Variants in KCNIP1 observed in about 807,000 individuals in gnomAD.
KCNIP1 encodes the protein potassium voltage-gated channel interacting protein 1.
In KCNIP1, 18 loss-of-function variants were observed where a neutral mutation model predicts 33.0. The observed-to-expected ratio is 0.55, with a 90% CI of 0.38 to 0.81. KCNIP1 has a LOEUF of 0.81. Among genes scored for constraint, KCNIP1 ranks in the 30% least tolerant of loss-of-function variants. The pLI, the probability that KCNIP1 is intolerant of heterozygous loss-of-function variation, is 0.00. For missense variants in KCNIP1, 238 were observed against 271.6 expected, an observed-to-expected ratio of 0.88 and a Z score of 0.87; for synonymous variants, 93 against 98.3, an observed-to-expected ratio of 0.95 and a Z score of 0.32.
rs113501997 is a variant in KCNIP1 at position 170,591,341 on chromosome 5, C to T, written c.61+86708C>T. 5.5e-3 allele frequency among the ~76,000 whole-genome samples: 826 copies of T among 150,400 alleles called. 8 individuals carry two copies. Among genetic ancestry groups the T allele is most frequent in the African/African-American group, 0.019 (765 of 40,838 alleles). The stretch of plus-strand genomic sequence containing the variant: ...GCCTGTATTCTCAGGACTTGGACAG[C>T]GGTGGAAGCTCTACTTAGCTTGCTG... On this transcript the variant is annotated intron_variant, in intron 1 of 7. Coordinates refer to ENST00000328939, the MANE Select transcript of KCNIP1 (RefSeq NM_014592.4).
chr5:170,702,266 G>T (rs1426047666), intron 1 of KCNIP1, among the ~76,000 whole-genome samples: 1 of 152,206 alleles, frequency 6.6e-6, no homozygotes, highest in Admixed American at 6.5e-5. Context: ...AAGAACGTTA[G>T]ATTACTGGAA....
At chr5:170,643,554 AG>A in intron 1 of KCNIP1, among the ~76,000 whole-genome samples, 1 of 152,210 alleles carries the variant, frequency 6.6e-6, no homozygotes. Flanking sequence ...TCCTGAAATC[AG>A]GGACCAGATG....
intron 1 of KCNIP1, among the ~76,000 whole-genome samples, chr5:170,597,045 G>A (rs544328457): frequency 1.3e-4 from 20 of 152,300 alleles, no homozygotes; most frequent in Admixed American, 1.0e-3. Flanking sequence ...ACATATTGAA[G>A]CTCATGCAGC....
intron 1 of KCNIP1, among the ~76,000 whole-genome samples, chr5:170,696,177 GT>G (rs1397197138): frequency 6.6e-6 from 1 of 152,026 alleles, no homozygotes; most frequent in Non-Finnish European, 1.5e-5. Flanking sequence ...GCTCCTTCTG[GT>G]TTTTCCTTCA....
upstream of KCNIP1, among the ~76,000 whole-genome samples, chr5:170,499,520 C>T (rs550024985): frequency 6.6e-6 from 1 of 152,334 alleles, no homozygotes; most frequent in Non-Finnish European, 1.5e-5. Flanking sequence ...ATCATGCCCA[C>T]AGTCTCAGAG....
At chr5:170,559,208 G>C (rs563734216) in intron 1 of KCNIP1, among the ~76,000 whole-genome samples, 136 of 152,290 alleles carry the variant, frequency 8.9e-4, no homozygotes, top group African/African-American at 3.2e-3. Context: ...AAACTTGATA[G>C]AGGTAAAGAT....
chr5:170,547,704 C>T (rs1230733009), intron 1 of KCNIP1, among the ~76,000 whole-genome samples: 2 of 152,040 alleles, frequency 1.3e-5, no homozygotes, highest in East Asian at 3.9e-4. Context: ...GGACATAATC[C>T]CCTTTTTAAT....
At chr5:170,359,736 C>G (rs1026239530) in intron 1 of KCNIP1, among the ~76,000 whole-genome samples, 1 of 152,318 alleles carries the variant, frequency 6.6e-6, no homozygotes, top group African/African-American at 2.4e-5. Context: ...TCCCAGCCTA[C>G]TGGCCTCACC....
chr5:170,389,594 G>A (rs1248145079), intron 1 of KCNIP1: 1 of 152,154 alleles, frequency 6.6e-6, no homozygotes, highest in East Asian at 1.9e-4. Flanking sequence ...AACTACGAAA[G>A]ATCAGCCTGG....
chr5:170,576,073 C>A (rs1279671138), intron 1 of KCNIP1, among the ~76,000 whole-genome samples: 1 of 152,236 alleles, frequency 6.6e-6, no homozygotes, highest in African/African-American at 2.4e-5. Context: ...GAGACAGCTT[C>A]TTCCTGCTCC....
intron 1 of KCNIP1, among the ~76,000 whole-genome samples, chr5:170,451,526 G>A (rs1233404143): frequency 1.3e-5 from 2 of 151,684 alleles, no homozygotes. Flanking sequence ...GTGTGTTCCT[G>A]GTCTTTGGCT....
intron 1 of KCNIP1, among the ~76,000 whole-genome samples, chr5:170,354,648 G>A (rs1427528079): frequency 6.6e-6 from 1 of 152,250 alleles, no homozygotes; most frequent in Non-Finnish European, 1.5e-5. Flanking sequence ...CAGAAAGTGT[G>A]GCTATGGACC....
intron 1 of KCNIP1, among the ~76,000 whole-genome samples, chr5:170,559,935 C>T (rs1371781674): frequency 6.6e-6 from 1 of 152,220 alleles, no homozygotes; most frequent in Non-Finnish European, 1.5e-5. Flanking sequence ...CAAATTTCCT[C>T]CTGCTTATTC....
chr5:170,548,113 A>G (rs1296751368), intron 1 of KCNIP1, among the ~76,000 whole-genome samples: 1 of 152,068 alleles, frequency 6.6e-6, no homozygotes, highest in East Asian at 1.9e-4. Context: ...TGCATTTCTC[A>G]CTTAAAATTT....
intron 1 of KCNIP1, among the ~76,000 whole-genome samples, chr5:170,399,180 C>A (rs1482671042): frequency 6.6e-6 from 1 of 152,206 alleles, no homozygotes; most frequent in Non-Finnish European, 1.5e-5. Context: ...AGCCTGCTAA[C>A]CGATGTTATC....
chr5:170,672,148 C>A (rs570723440), intron 1 of KCNIP1, among the ~76,000 whole-genome samples: 251 of 152,336 alleles, frequency 1.6e-3, no homozygotes, highest in Admixed American at 5.5e-3. Flanking sequence ...GCTCAGAGGG[C>A]AGAGCCTGGC....
chr5:170,625,142 G>T (rs568211656), intron 1 of KCNIP1, among the ~76,000 whole-genome samples: 2 of 152,204 alleles, frequency 1.3e-5, no homozygotes, highest in East Asian at 3.9e-4. Context: ...GGGTACTGAG[G>T]GGAGGGCATC....
chr5:170,630,993 G>A lies in KCNIP1; in HGVS notation c.62-87765G>A, dbSNP rs73317385. 3.9e-3 allele frequency among the ~76,000 whole-genome samples: 587 copies of A among 152,264 alleles called. 3 individuals are homozygous for A. Among genetic ancestry groups the A allele is most frequent in the African/African-American group, 0.013 (555 of 41,540 alleles). ...CACGGGACAGTGGAGGGAACACTAG[G>A]TTAGGAATAAGGGTACGAGGCTTGA... On this transcript the variant is annotated intron_variant, in intron 1 of 7. Coordinates refer to ENST00000328939, the MANE Select transcript of KCNIP1 (RefSeq NM_014592.4).
At position 170,720,349 on chromosome 5, in the gene KCNIP1, A is replaced by G. The variant is rs1344013617; in HGVS notation, c.215A>G (p.Asp72Gly). 1 of 1,614,152 alleles carries G rather than the reference A, an allele frequency of 6.2e-7. No individual in the cohort carries two copies. The highest frequency in any genetic ancestry group is 8.5e-7 in the Non-Finnish European group (1 of 1,179,998). The change falls in exon 3 of 8, where the codon GAC becomes GGC. Residue 72 changes from aspartate to glycine, a missense_variant. Physicochemically the swap from Asp to Gly is moderately conservative, Grantham distance 94 (BLOSUM62 -1). Coordinates refer to ENST00000328939, the MANE Select transcript of KCNIP1 (RefSeq NM_014592.4). The part of the protein sequence containing the change: ...NECPSGVVNE[D>G]TFKQIYAQFF... The stretch of plus-strand genomic sequence containing the variant: ...TGCCCCAGTGGTGTGGTCAACGAAG[A>G]CACATTCAAGCAGATCTATGCTCAG...
Sources: allele counts gnomAD v4.1 joint callset (sites outside exome capture counted in the v4.1 genomes callset), GRCh38; gene constraint gnomAD v4.1.1; transcripts MANE v1.5; gene names NCBI Gene and HGNC (gene_info 2026-07-23, HGNC 2026-07-21).